Variants in GRM5 observed in about 807,000 individuals in gnomAD.
GRM5 encodes the protein metabotropic glutamate receptor 5.
GRM5 carries 19 observed loss-of-function variants against 83.1 expected under a neutral mutation model. That is an observed-to-expected ratio of 0.23 (90% confidence interval 0.16 to 0.34). The LOEUF (loss-of-function observed/expected upper bound fraction) is 0.34. Among genes scored for constraint, GRM5 ranks in the 10% least tolerant of loss-of-function variants. The pLI, the probability that GRM5 is intolerant of heterozygous loss-of-function variation, is 1.00. For missense variants in GRM5, 1,160 were observed against 1,588.3 expected (o/e 0.73, Z 4.58); for synonymous variants, 675 against 633.6 (o/e 1.07, Z -0.98).
At chr11:88,669,115 A>G (rs1940127913) in intron 3 of GRM5, among the ~76,000 whole-genome samples, 1 of 152,194 alleles carries the variant, frequency 6.6e-6, no homozygotes, top group Non-Finnish European at 1.5e-5. Flanking sequence ...ATTGTTCACA[A>G]CAATCAAGAT....
chr11:88,680,415 C>T (rs899188161), intron 3 of GRM5, among the ~76,000 whole-genome samples: 2 of 152,162 alleles, frequency 1.3e-5, no homozygotes, highest in Non-Finnish European at 2.9e-5. Flanking sequence ...GACATGAACT[C>T]ATCATTTTTT....
rs1250468456 is a variant in GRM5, at chr11:88,906,392, T to A, written c.662-56237A>T. Among the ~76,000 whole-genome samples the A allele has an allele frequency of 2.6e-5, 4 of 152,262 alleles. No homozygotes were observed. In the South Asian group the frequency reaches 8.3e-4, roughly 32 times the overall value. On this transcript the variant is annotated intron_variant, in intron 2 of 9. Coordinates refer to ENST00000305447, the MANE Select transcript of GRM5 (RefSeq NM_001143831.3). ...GACATTCGTACATAAATCTGAGAGT[T>A]ATTTTCATGAGATTATCTCACCAGA...
chr11:88,937,650 A>C (rs1265511455), intron 2 of GRM5, among the ~76,000 whole-genome samples: 1 of 151,710 alleles, frequency 6.6e-6, no homozygotes, highest in Non-Finnish European at 1.5e-5. Context: ...TGGACTCTGC[A>C]TGTCTTTTTC....
intron 2 of GRM5, among the ~76,000 whole-genome samples, chr11:88,941,200 C>A (rs1413469445): frequency 6.6e-6 from 1 of 151,202 alleles, no homozygotes; most frequent in African/African-American, 2.4e-5. Context: ...CCTTAATGTG[C>A]CAGAAAATAA....
At chr11:88,922,820 C>T (rs1945715327) in intron 2 of GRM5, among the ~76,000 whole-genome samples, 1 of 152,100 alleles carries the variant, frequency 6.6e-6, no homozygotes, top group Admixed American at 6.6e-5. Flanking sequence ...TGTTAGCAAA[C>T]TCTACATCTG....
chr11:88,921,390 G>A (rs1291987795), intron 2 of GRM5, among the ~76,000 whole-genome samples: 2 of 152,144 alleles, frequency 1.3e-5, no homozygotes, highest in African/African-American at 2.4e-5. Context: ...TTGGGAGGCC[G>A]AGGCGGACAG....
intron 8 of GRM5, among the ~76,000 whole-genome samples, chr11:88,529,302 A>G (rs980181298): frequency 2.0e-5 from 3 of 151,622 alleles, no homozygotes; most frequent in Admixed American, 6.6e-5. Flanking sequence ...CAATGTAAGA[A>G]GTTTTATTAT....
chr11:88,553,358 G>C (rs1279883833), intron 8 of GRM5, among the ~76,000 whole-genome samples: 3 of 152,140 alleles, frequency 2.0e-5, no homozygotes, highest in Non-Finnish European at 2.9e-5. Context: ...CCAGTGGCTA[G>C]ATAGTTCCTG....
chr11:88,977,680 A>G (rs1234807337), intron 2 of GRM5, among the ~76,000 whole-genome samples: 1 of 152,210 alleles, frequency 6.6e-6, no homozygotes, highest in African/African-American at 2.4e-5. Flanking sequence ...TAAGAAGCAC[A>G]TTTCTGCAAG....
chr11:88,966,773 A>G (rs1938980894), intron 2 of GRM5, among the ~76,000 whole-genome samples: 1 of 152,158 alleles, frequency 6.6e-6, no homozygotes, highest in Non-Finnish European at 1.5e-5. Context: ...TATGAGATGA[A>G]TACGTTCTCT....
intron 3 of GRM5, among the ~76,000 whole-genome samples, chr11:88,741,177 G>A (rs949335468): frequency 1.3e-5 from 2 of 152,032 alleles, no homozygotes; most frequent in South Asian, 2.1e-4. Flanking sequence ...AAATATCAGC[G>A]TGGCTAGTCA....
chr11:88,644,752 G>A (rs569541144), intron 4 of GRM5, among the ~76,000 whole-genome samples: 246 of 152,270 alleles, frequency 1.6e-3, no homozygotes, highest in African/African-American at 5.6e-3. Flanking sequence ...ATGAAGTGGA[G>A]AGAAACTTGT....
chr11:89,065,454 T>C (rs2135179656), intron 1 of GRM5, among the ~76,000 whole-genome samples: 1 of 151,910 alleles, frequency 6.6e-6, no homozygotes, highest in East Asian at 1.9e-4. Flanking sequence ...ATCCCTCACT[T>C]ATGCAAATAA....
chr11:89,061,861 G>A (rs1384281925), intron 1 of GRM5, among the ~76,000 whole-genome samples: 2 of 152,322 alleles, frequency 1.3e-5, no homozygotes, highest in East Asian at 1.9e-4. Context: ...AAACATTCCC[G>A]TGTGATAGCA....
rs1022656205 is a variant in GRM5 at position 88,995,544 on chromosome 11, CAAAAAAAAAAA to C, written c.661+51657_661+51667del. ...TGGCAACAAGAGCGAGACTCCATCTCAAAAAAAAAAAAAAAAAAAAAAAAAAGGCCAGTGAA... is the reference window on the plus strand; with the variant it reads ...TGGCAACAAGAGCGAGACTCCATCTCAAAAAAAAAAAAAAAGGCCAGTGAA... On this transcript the variant is annotated intron_variant, in intron 2 of 9. Coordinates refer to ENST00000305447, the MANE Select transcript of GRM5 (RefSeq NM_001143831.3). 3.0e-4 allele frequency among the ~76,000 whole-genome samples: 5 copies of C among 16,912 alleles called. No homozygotes were observed. The Admixed American group carries it at 3.4e-3, about 12-fold the overall frequency. 11.1% of individuals were successfully genotyped at this position (16,912 alleles called of 152,430 possible).
At chr11:88,876,110 G>T (rs145369696) in intron 2 of GRM5, among the ~76,000 whole-genome samples, 1 of 152,106 alleles carries the variant, frequency 6.6e-6, no homozygotes, top group Non-Finnish European at 1.5e-5. Context: ...TCCAATACAA[G>T]TCTGCTTTGT....
chr11:88,793,520 C>T (rs184540858), intron 3 of GRM5, among the ~76,000 whole-genome samples: 1 of 152,120 alleles, frequency 6.6e-6, no homozygotes, highest in Admixed American at 6.6e-5. Flanking sequence ...GAAGGTTCTT[C>T]TTTTTATAAG....
At chr11:88,714,293 G>C (rs1388572458) in intron 3 of GRM5, among the ~76,000 whole-genome samples, 2 of 151,946 alleles carry the variant, frequency 1.3e-5, no homozygotes, top group Admixed American at 6.6e-5. Context: ...AGGTGAAAGG[G>C]GAGGGGTAGG....
At chr11:88,574,232 T>C (rs1943059769) in intron 7 of GRM5, among the ~76,000 whole-genome samples, 1 of 152,218 alleles carries the variant, frequency 6.6e-6, no homozygotes, top group African/African-American at 2.4e-5. Context: ...TTAATATATT[T>C]TGTATACAAT....
Sources: gnomAD v4.1 joint callset for allele counts (sites outside exome capture counted in the v4.1 genomes callset) on GRCh38, gnomAD v4.1.1 for gene constraint, MANE v1.5 for transcripts, NCBI Gene and HGNC (gene_info 2026-07-23, HGNC 2026-07-21) for gene names.